Variants in ASH2L observed in about 807,000 individuals in gnomAD.
The protein encoded by ASH2L is ASH2 like, histone lysine methyltransferase complex subunit.
ASH2L carries 30 observed loss-of-function variants against 81.1 expected under a neutral mutation model. The ratio of observed to expected loss-of-function variants is 0.37; its 90% CI spans 0.28 to 0.50. The LOEUF (loss-of-function observed/expected upper bound fraction) is 0.50, where lower values mean the gene tolerates loss of function less well. Ranked by LOEUF, ASH2L falls within the 20% of genes least tolerant of loss-of-function variation. The pLI is 0.95. For missense variants in ASH2L, 559 were observed against 792.1 expected, an observed-to-expected ratio of 0.71 and a Z score of 3.53; for synonymous variants, 273 against 279.9, an observed-to-expected ratio of 0.98 and a Z score of 0.24.
chr8:38,122,817 C>T (rs1297307028), intron 10 of ASH2L, among the ~76,000 whole-genome samples: 2 of 152,312 alleles, frequency 1.3e-5, no homozygotes, highest in Admixed American at 6.5e-5. Flanking sequence ...AGTCCTGGCT[C>T]ACTGCAGCCT....
rs1441319576 is a variant in ASH2L at position 38,139,771 on chromosome 8, G to A, written c.*700G>A. The A allele has an allele frequency of 2.0e-5, 3 of 152,180 alleles. No individual in the cohort carries two copies. The highest frequency in any genetic ancestry group is 4.4e-5 in the Non-Finnish European group (3 of 68,044). The allele number at this position is 152,180 out of a possible 1,614,324, so 9.4% of individuals were successfully genotyped here. A position where few individuals can be genotyped will look rare whatever the true frequency, so the allele number is the denominator to read the frequency against. On this transcript the variant is annotated 3_prime_UTR_variant, in exon 16 of 16. Transcript: ENST00000343823. ...CAGTGTTCAGAAATGTAAGCAGCACGAGGAAGGGAGCTGGCACTGGGAGGA... is the reference window on the plus strand; with the variant it reads ...CAGTGTTCAGAAATGTAAGCAGCACAAGGAAGGGAGCTGGCACTGGGAGGA...
intron 7 of ASH2L, among the ~76,000 whole-genome samples, chr8:38,116,267 G>A (rs1277694412): frequency 6.6e-6 from 1 of 152,104 alleles, no homozygotes; most frequent in Non-Finnish European, 1.5e-5. Context: ...TCAGGAGGCT[G>A]AGGCAAGAGA....
chr8:38,125,378 TG>T (rs1801795065), intron 10 of ASH2L, among the ~76,000 whole-genome samples: 1 of 152,140 alleles, frequency 6.6e-6, no homozygotes, highest in African/African-American at 2.4e-5. Flanking sequence ...CCCAGCACTT[TG>T]GGAGGCTGAG....
chr8:38,132,358 A>T (rs1043357009), intron 12 of ASH2L, among the ~76,000 whole-genome samples: 2 of 152,208 alleles, frequency 1.3e-5, no homozygotes, highest in African/African-American at 2.4e-5. Context: ...GAAATTTTTT[A>T]AATTAATGTC....
chr8:38,105,865 C>G (rs1296160471), intron 1 of ASH2L, 127 bp downstream of exon 1: 3 of 1,441,942 alleles, frequency 2.1e-6, no homozygotes, highest in Non-Finnish European at 1.8e-6. Context: ...CTCGCCCTGC[C>G]TCTGCGCCGC....
chr8:38,116,262 AG>A (rs1224102290), intron 7 of ASH2L, among the ~76,000 whole-genome samples: 1 of 152,160 alleles, frequency 6.6e-6, no homozygotes, highest in Non-Finnish European at 1.5e-5. Flanking sequence ...GCTACTCAGG[AG>A]GCTGAGGCAA....
chr8:38,105,858 G>T (rs1020656498), intron 1 of ASH2L, 120 bp downstream of exon 1: 1 of 1,433,384 alleles, frequency 7.0e-7, no homozygotes. Flanking sequence ...CCAATGGCTC[G>T]CCCTGCCTCT....
chr8:38,138,933 C>T (rs1437468426), intron 15 of ASH2L, 31 bp from the exon 16 acceptor site: 3 of 1,613,414 alleles, frequency 1.9e-6, no homozygotes, highest in Non-Finnish European at 8.5e-7. Flanking sequence ...CTGCTGTAGT[C>T]ACCGTGTTCT....
At chr8:38,130,628 T>A (rs951573762) in intron 12 of ASH2L, among the ~76,000 whole-genome samples, 1 of 152,034 alleles carries the variant, frequency 6.6e-6, no homozygotes, top group Non-Finnish European at 1.5e-5. Flanking sequence ...AGATGGAGTC[T>A]CGCTCTGTTG....
chr8:38,120,079 C>G (rs535083397), intron 9 of ASH2L, among the ~76,000 whole-genome samples: 63 of 152,272 alleles, frequency 4.1e-4, no homozygotes, highest in Admixed American at 9.8e-4. Flanking sequence ...GAGCTGAGAT[C>G]GCGCTATCGC....
chr8:38,105,727 G>A lies in ASH2L; in HGVS notation c.177G>A (p.Glu59=). The change falls in exon 1 of 16, where the codon GAG becomes GAA. Residue 59 remains glutamate (E), a synonymous_variant. Transcript: ENST00000343823. ...AAPTVEPSSG[E]AEGGEANLVD... is the part of the protein sequence containing the mutation. The stretch of plus-strand genomic sequence containing the variant: ...CGACAGTTGAGCCCAGTTCCGGGGA[G>A]GCTGAAGGCGGGTAAGAGGTCCTGC... 6.6e-7 allele frequency: 1 copy of A among 1,524,378 alleles called. No individual in the cohort carries two copies. Among genetic ancestry groups the A allele is most frequent in the South Asian group, 1.3e-5 (1 of 78,776 alleles). The allele number at this position is 1,524,378 out of a possible 1,614,324, so 94.4% of individuals were successfully genotyped here.
At chr8:38,137,127 C>A (rs1188616530) in intron 14 of ASH2L, among the ~76,000 whole-genome samples, 1 of 150,972 alleles carries the variant, frequency 6.6e-6, no homozygotes, top group Non-Finnish European at 1.5e-5. Context: ...GCGCTGGGCA[C>A]AGTGGCTCAC....
rs1585612108 is a variant in ASH2L at position 38,135,743 on chromosome 8, A to G, written c.1696A>G (p.Ile566Val). 2.5e-6 allele frequency: 4 copies of G among 1,613,192 alleles called. No homozygotes were observed. Among genetic ancestry groups the G allele is most frequent in the Non-Finnish European group, 8.5e-7 (1 of 1,179,514 alleles). Reference protein sequence around the residue: ...DIFEGVYFPAISLYKSCTVSI... With the variant: ...DIFEGVYFPAVSLYKSCTVSI... ...TTTTGAGGGGGTTTACTTCCCAGCC[A>G]TCTCACTGTACAAGAGCTGCACGGT... Residue 566 changes from isoleucine (I) to valine (V), a missense_variant, in exon 14 of 16, where the codon ATC becomes GTC. Coordinates refer to ENST00000343823, the MANE Select transcript of ASH2L (RefSeq NM_004674.5).
chr8:38,135,858 C>A, intron 14 of ASH2L, 92 bp downstream of exon 14: 1 of 940,930 alleles, frequency 1.1e-6, no homozygotes, highest in Non-Finnish European at 1.6e-6. Context: ...GAACGAAATC[C>A]AAGCAGCCTC....
In ASH2L at chr8:38,139,157, C is replaced by T. The variant is rs1802384265; in HGVS notation, c.*86C>T. ...TTTTGAACTGTCTCAAATGTTCTCC[C>T]AAAGATGCTAAAAACACAGCCTCTC... On this transcript the variant is annotated 3_prime_UTR_variant, in exon 16 of 16. Coordinates refer to ENST00000343823, the MANE Select transcript of ASH2L (RefSeq NM_004674.5). The T allele has an allele frequency of 9.3e-7, 1 of 1,080,360 alleles. No homozygotes were observed. Among genetic ancestry groups the T allele is most frequent in the African/African-American group, 1.6e-5 (1 of 62,934 alleles). 66.9% of individuals were successfully genotyped at this position (1,080,360 alleles called of 1,614,324 possible).
At chr8:38,106,091 G>T in intron 1 of ASH2L, 2 of 1,524,768 alleles carry the variant, frequency 1.3e-6, no homozygotes, top group Non-Finnish European at 1.8e-6. Context: ...AAAACAGGGT[G>T]GGAGAGCTGC....
chr8:38,131,681 A>G (rs1202549171), intron 12 of ASH2L, among the ~76,000 whole-genome samples: 3 of 152,216 alleles, frequency 2.0e-5, no homozygotes, highest in Admixed American at 2.0e-4. Flanking sequence ...TTTTAGTGAC[A>G]TGTCCACACG....
chr8:38,109,837 C>T (rs1243140515), intron 3 of ASH2L, among the ~76,000 whole-genome samples: 1 of 152,162 alleles, frequency 6.6e-6, no homozygotes, highest in Non-Finnish European at 1.5e-5. Context: ...ACTTTGTCCT[C>T]TTCTACAGCT....
At chr8:38,116,765 C>A (rs757989314) in intron 8 of ASH2L, 40 bp downstream of exon 8, 11 of 1,538,740 alleles carry the variant, frequency 7.1e-6, no homozygotes, top group Non-Finnish European at 9.8e-6. Flanking sequence ...TATTTGGAAG[C>A]TATTGAATCC....
Sources: allele counts gnomAD v4.1 joint callset (sites outside exome capture counted in the v4.1 genomes callset), GRCh38; gene constraint gnomAD v4.1.1; transcripts MANE v1.5; gene names NCBI Gene and HGNC (gene_info 2026-07-23, HGNC 2026-07-21).